Variants in GOSR1 observed in about 807,000 individuals in gnomAD.
GOSR1 encodes the protein golgi SNAP receptor complex member 1.
In GOSR1, 21 loss-of-function variants were observed where a neutral mutation model predicts 35.5. That is an observed-to-expected ratio of 0.59 (90% CI 0.42 to 0.85). The LOEUF is 0.85. Among genes scored for constraint, GOSR1 ranks in the 40% least tolerant of loss-of-function variants. The probability of loss-of-function intolerance (pLI) is 0.00; values close to 1 mark genes in which losing one functional copy is unlikely to be tolerated. For synonymous variants in GOSR1, 94 were observed against 106.6 expected, an observed-to-expected ratio of 0.88 and a Z score of 0.73; for missense variants, 285 against 309.6, an observed-to-expected ratio of 0.92 and a Z score of 0.60.
At chr17:30,507,236 C>T (rs1967432706) in intron 6 of GOSR1, among the ~76,000 whole-genome samples, 1 of 152,178 alleles carries the variant, frequency 6.6e-6, no homozygotes, top group South Asian at 2.1e-4. Context: ...AATTGAAAGC[C>T]TTCTGGAAAG....
At chr17:30,482,199 T>C (rs940541812) in intron 2 of GOSR1, among the ~76,000 whole-genome samples, 3 of 151,832 alleles carry the variant, frequency 2.0e-5, no homozygotes, top group African/African-American at 7.3e-5. Flanking sequence ...TTATATAGTA[T>C]ATATATAATA....
At chr17:30,487,770 CT>C (rs889014927) in intron 4 of GOSR1, among the ~76,000 whole-genome samples, 89 of 146,522 alleles carry the variant, frequency 6.1e-4, no homozygotes, top group Non-Finnish European at 7.3e-4. Context: ...TCCAGTTATT[CT>C]TTTTTTTTTT....
intron 7 of GOSR1, among the ~76,000 whole-genome samples, chr17:30,513,372 G>A (rs1967682675): frequency 6.6e-6 from 1 of 152,054 alleles, no homozygotes; most frequent in Non-Finnish European, 1.5e-5. Flanking sequence ...CATTTTAAAA[G>A]CATTATGTAT....
At chr17:30,498,339 A>G (rs989002664) in intron 6 of GOSR1, among the ~76,000 whole-genome samples, 2 of 152,146 alleles carry the variant, frequency 1.3e-5, no homozygotes, top group Non-Finnish European at 2.9e-5. Flanking sequence ...TGAGTAAAGC[A>G]TAGTGGCATC....
At chr17:30,518,069 G>A (rs1028686029) in intron 7 of GOSR1, among the ~76,000 whole-genome samples, 1 of 152,174 alleles carries the variant, frequency 6.6e-6, no homozygotes, top group African/African-American at 2.4e-5. Flanking sequence ...CTGGCTGCAT[G>A]TAGCAGTCCT....
intron 1 of GOSR1, chr17:30,480,730 G>C (rs199645943): frequency 3.1e-5 from 1 of 32,230 alleles, no homozygotes; most frequent in Admixed American, 2.8e-4. Flanking sequence ...TCCTTTTTTT[G>C]AGACATAGTT....
At chr17:30,499,542 G>C (rs2321857) in intron 6 of GOSR1, among the ~76,000 whole-genome samples, 65 of 151,998 alleles carry the variant, frequency 4.3e-4, no homozygotes, top group Admixed American at 2.9e-3. Flanking sequence ...GGGGTTTCAC[G>C]GTGTTAGCCA....
At chr17:30,511,802 A>T (rs1198428822) in intron 7 of GOSR1, among the ~76,000 whole-genome samples, 1 of 152,158 alleles carries the variant, frequency 6.6e-6, no homozygotes, top group Non-Finnish European at 1.5e-5. Context: ...AAGTGCAGAG[A>T]TTACAGGTGT....
chr17:30,513,111 C>T (rs765583696), intron 7 of GOSR1, among the ~76,000 whole-genome samples: 1 of 151,986 alleles, frequency 6.6e-6, no homozygotes, highest in African/African-American at 2.4e-5. Context: ...AGTATTTTTG[C>T]ATATTCCATA....
At chr17:30,491,640 CAG>C (rs1027276782) in intron 5 of GOSR1, among the ~76,000 whole-genome samples, 11 of 151,302 alleles carry the variant, frequency 7.3e-5, no homozygotes, top group African/African-American at 2.4e-4. Context: ...GCCTGGGTGA[CAG>C]AGCAAGACTC....
intron 4 of GOSR1, among the ~76,000 whole-genome samples, chr17:30,485,555 G>GT (rs1914629810): frequency 6.6e-6 from 1 of 151,998 alleles, no homozygotes; most frequent in African/African-American, 2.4e-5. Context: ...GTGTTCACAG[G>GT]TTTTTGCTAT....
intron 2 of GOSR1, among the ~76,000 whole-genome samples, chr17:30,483,577 A>C (rs538878427): frequency 1.3e-5 from 2 of 152,362 alleles, no homozygotes; most frequent in South Asian, 4.1e-4. Context: ...AGGGTAGCAC[A>C]AAGTCTTCAG....
In GOSR1 at chr17:30,492,744, A is replaced by G. The variant is rs1332958157; in HGVS notation, c.500A>G (p.His167Arg). 1 of 1,586,958 alleles carries G rather than the reference A, an allele frequency of 6.3e-7. No individual in the cohort carries two copies. The highest frequency in any genetic ancestry group is 1.7e-5 in the Admixed American group (1 of 59,968). The change falls in exon 6 of 9, where the codon CAC (histidine) becomes CGC (arginine). Residue 167 changes from histidine to arginine, a missense_variant. Coordinates refer to ENST00000451249, the MANE Select transcript of GOSR1 (RefSeq NM_001007025.2). The part of the protein sequence containing the change: ...RTELFLKEHD[H>R]LRNSDRLIEE... The stretch of plus-strand genomic sequence containing the variant: ...GAGCTATTTTTGAAAGAACATGACC[A>G]CCTTCGAAAGTAGGTATTGAATGTA...
intron 6 of GOSR1, among the ~76,000 whole-genome samples, chr17:30,506,900 G>A (rs1476589114): frequency 6.6e-6 from 1 of 152,106 alleles, no homozygotes; most frequent in East Asian, 1.9e-4. Flanking sequence ...TACCCTGCCT[G>A]TGCTCTCTAA....
intron 8 of GOSR1, 198 bp downstream of exon 8, chr17:30,520,219 G>C: frequency 4.4e-6 from 2 of 452,276 alleles, no homozygotes; most frequent in Non-Finnish European, 4.0e-6. Flanking sequence ...CTGCACCTCA[G>C]AAGTTTCTTA....
At position 30,518,501 on chromosome 17, in the gene GOSR1, T is replaced by C. The variant is rs539569766; in HGVS notation, c.540-1438T>C. Among the ~76,000 whole-genome samples the C allele has an allele frequency of 5.8e-4, 89 of 152,310 alleles. 1 individual carries two copies. The highest frequency in any genetic ancestry group is 2.1e-3 in the African/African-American group (86 of 41,572). On this transcript the variant is annotated intron_variant, in intron 7 of 8. Transcript: ENST00000451249. Reference sequence around the variant, plus strand: ...CAGCATTTCATTTTCTGTTGCTATTTATAATGTCAACATGCAAAGCACTCC... The same window carrying C: ...CAGCATTTCATTTTCTGTTGCTATTCATAATGTCAACATGCAAAGCACTCC...
rs58123020 is a variant in GOSR1 at position 30,489,676 on chromosome 17, T to C, written c.343-450T>C. 2.1e-3 allele frequency among the ~76,000 whole-genome samples: 327 copies of C among 152,344 alleles called. 2 individuals carry two copies. Among genetic ancestry groups the C allele is most frequent in the African/African-American group, 7.3e-3 (304 of 41,586 alleles). The stretch of plus-strand genomic sequence containing the variant: ...AGTAGAAAATGTTTAAAGATTATTT[T>C]GTTCCTTATAATTCTCTTGATTCTG... On this transcript the variant is annotated intron_variant, in intron 4 of 8. Transcript: ENST00000451249.
chr17:30,500,290 GTTTTAGT>G (rs368205625), intron 6 of GOSR1, among the ~76,000 whole-genome samples: 73 of 152,206 alleles, frequency 4.8e-4, no homozygotes, highest in African/African-American at 1.6e-3. Flanking sequence ...TCTTTCAGGA[GTTTTAGT>G]TTTAGCTTTT....
At chr17:30,489,293 G>T (rs544007676) in intron 4 of GOSR1, among the ~76,000 whole-genome samples, 1 of 152,260 alleles carries the variant, frequency 6.6e-6, no homozygotes, top group African/African-American at 2.4e-5. Context: ...CAAGGCACTA[G>T]AATCGCTTGA....
Sources: allele counts gnomAD v4.1 joint callset (sites outside exome capture counted in the v4.1 genomes callset), GRCh38; gene constraint gnomAD v4.1.1; transcripts MANE v1.5; gene names NCBI Gene and HGNC (gene_info 2026-07-23, HGNC 2026-07-21).